GABRB2: variants seen among roughly 807,000 people sequenced by gnomAD.
GABRB2 encodes gamma-aminobutyric acid type A receptor subunit beta2.
GABRB2 carries 16 observed loss-of-function variants against 54.7 expected under a neutral mutation model. The observed-to-expected ratio is 0.29, with a 90% CI of 0.20 to 0.44. GABRB2 has a LOEUF of 0.44. Ranked by LOEUF, GABRB2 falls within the 20% of genes least tolerant of loss-of-function variation. GABRB2 has a pLI of 1.00. For synonymous variants in GABRB2, 244 were observed against 233.8 expected (o/e 1.04, Z -0.40); for missense variants, 355 against 644.0 (o/e 0.55, Z 4.86).
intron 4 of GABRB2, among the ~76,000 whole-genome samples, chr5:161,414,574 T>A (rs927675181): frequency 1.3e-5 from 2 of 152,054 alleles, no homozygotes; most frequent in African/African-American, 4.8e-5. Context: ...ACTCCCTACA[T>A]ATACATGGAA....
In GABRB2 at chr5:161,326,503, G is replaced by A. The variant is rs773312096; in HGVS notation, c.1078-22C>T. On this transcript the variant is annotated intron_variant, in intron 8 of 9. Coordinates refer to ENST00000393959, the MANE Select transcript of GABRB2 (RefSeq NM_001371727.1). ...AAATCTGGAAGACAAAGTAGAGAAT[G>A]TGCTAATTAAGTCGATTGATGCTAC... The A allele has an allele frequency of 6.2e-6, 10 of 1,610,276 alleles. No individual in the cohort carries two copies. The African/African-American group carries it at 1.1e-4, about 17-fold the overall frequency.
chr5:161,520,877 A>G (rs1760092665), intron 3 of GABRB2, among the ~76,000 whole-genome samples: 1 of 152,080 alleles, frequency 6.6e-6, no homozygotes, highest in Admixed American at 6.6e-5. Context: ...TTGCCATATT[A>G]GACCCTAATG....
At chr5:161,441,166 T>C (rs1455081791) in intron 4 of GABRB2, among the ~76,000 whole-genome samples, 1 of 151,878 alleles carries the variant, frequency 6.6e-6, no homozygotes, top group Non-Finnish European at 1.5e-5. Context: ...TTCAACAGAG[T>C]GAAGAGACAA....
rs958149696 is a variant in GABRB2, at chr5:161,405,015, T to C, written c.541+5960A>G. ...ACCAGCTGTAACTGCTATGAACTTT[T>C]CTTTTTTTAACTTTCAGCCAAAAAT... is the stretch of plus-strand genomic sequence containing the variant. On this transcript the variant is annotated intron_variant, in intron 5 of 9. Coordinates refer to ENST00000393959, the MANE Select transcript of GABRB2 (RefSeq NM_001371727.1). Among the ~76,000 whole-genome samples the C allele has an allele frequency of 2.0e-5, 3 of 152,150 alleles. No homozygotes were observed. The South Asian group carries it at 6.2e-4, about 31-fold the overall frequency.
chr5:161,461,400 T>C (rs1758114703), intron 3 of GABRB2, among the ~76,000 whole-genome samples: 1 of 152,162 alleles, frequency 6.6e-6, no homozygotes, highest in Non-Finnish European at 1.5e-5. Context: ...TTCTACCATT[T>C]CTCAATTCTG....
intron 3 of GABRB2, among the ~76,000 whole-genome samples, chr5:161,498,971 C>T (rs1000785091): frequency 6.6e-6 from 1 of 152,144 alleles, no homozygotes. Context: ...CCTTTCTACC[C>T]CCACGTCCTC....
At chr5:161,465,999 C>T (rs766413936) in intron 3 of GABRB2, among the ~76,000 whole-genome samples, 1 of 152,008 alleles carries the variant, frequency 6.6e-6, no homozygotes, top group African/African-American at 2.4e-5. Flanking sequence ...CAAGAACCAC[C>T]TTACACTTAA....
chr5:161,486,174 A>G (rs1581026180), intron 3 of GABRB2, among the ~76,000 whole-genome samples: 1 of 152,094 alleles, frequency 6.6e-6, no homozygotes, highest in South Asian at 2.1e-4. Context: ...ATGGGTCTAC[A>G]CTGAACTTTG....
chr5:161,489,107 G>A (rs528211137), intron 3 of GABRB2, among the ~76,000 whole-genome samples: 1 of 151,826 alleles, frequency 6.6e-6, no homozygotes, highest in South Asian at 2.1e-4. Flanking sequence ...CAAACAAATA[G>A]ACTATTAGTG....
chr5:161,441,213 T>C (rs1757456426), intron 4 of GABRB2, among the ~76,000 whole-genome samples: 1 of 152,088 alleles, frequency 6.6e-6, no homozygotes, highest in African/African-American at 2.4e-5. Context: ...AAACTGCCCA[T>C]CTGAAAAGGA....
At chr5:161,349,169 G>A (rs1477177326) in intron 5 of GABRB2, among the ~76,000 whole-genome samples, 1 of 151,782 alleles carries the variant, frequency 6.6e-6, no homozygotes, top group Non-Finnish European at 1.5e-5. Flanking sequence ...AAAAAGCCTT[G>A]ACCAATATTT....
chr5:161,300,131 T>A (rs252960), intron 9 of GABRB2, among the ~76,000 whole-genome samples: 16,274 of 152,124 alleles, frequency 0.11, 1,005 homozygotes, highest in Non-Finnish European at 0.14. Flanking sequence ...AGAGCAAAAG[T>A]ATAGGAGATT....
chr5:161,458,934 TTTATA>T (rs1758044269), intron 4 of GABRB2, among the ~76,000 whole-genome samples: 1 of 152,224 alleles, frequency 6.6e-6, no homozygotes. Flanking sequence ...AGAGAAATCC[TTTATA>T]TTATAGTGTT....
chr5:161,348,407 T>C (rs1448235769), intron 5 of GABRB2, among the ~76,000 whole-genome samples: 2 of 152,104 alleles, frequency 1.3e-5, no homozygotes, highest in South Asian at 2.1e-4. Flanking sequence ...TAACAGAAGA[T>C]AGTTGGATTC....
At chr5:161,406,860 G>A (rs1756362688) in intron 5 of GABRB2, among the ~76,000 whole-genome samples, 1 of 152,000 alleles carries the variant, frequency 6.6e-6, no homozygotes, top group African/African-American at 2.4e-5. Context: ...TCCCTGTGAA[G>A]GCCTATGAAA....
At chr5:161,416,363 A>T (rs138145813) in intron 4 of GABRB2, among the ~76,000 whole-genome samples, 93 of 152,252 alleles carry the variant, frequency 6.1e-4, no homozygotes, top group African/African-American at 2.1e-3. Context: ...TCAAGGTGAC[A>T]TAACTTGGGC....
chr5:161,528,740 C>T (rs1314428251), intron 3 of GABRB2, among the ~76,000 whole-genome samples: 1 of 151,716 alleles, frequency 6.6e-6, no homozygotes, highest in South Asian at 2.1e-4. Flanking sequence ...TATGGTACAT[C>T]TAAAATGATT....
chr5:161,382,480 A>C (rs959367406), intron 5 of GABRB2, among the ~76,000 whole-genome samples: 1 of 152,088 alleles, frequency 6.6e-6, no homozygotes, highest in Admixed American at 6.6e-5. Flanking sequence ...CACATAAGCG[A>C]ATGATACCAT....
At chr5:161,391,544 A>G (rs1561633874) in intron 5 of GABRB2, among the ~76,000 whole-genome samples, 1 of 152,172 alleles carries the variant, frequency 6.6e-6, no homozygotes, top group Non-Finnish European at 1.5e-5. Context: ...TATTTGAAAT[A>G]CAAATTCTGA....
Sources: allele counts gnomAD v4.1 joint callset (sites outside exome capture counted in the v4.1 genomes callset), GRCh38; gene constraint gnomAD v4.1.1; transcripts MANE v1.5; gene names NCBI Gene and HGNC (gene_info 2026-07-23, HGNC 2026-07-21).